GNG12: variants seen among roughly 807,000 people sequenced by gnomAD.
GNG12 encodes the protein guanine nucleotide-binding protein G(I)/G(S)/G(O) subunit gamma-12.
For synonymous variants in GNG12, 28 were observed against 29.7 expected, an observed-to-expected ratio of 0.94 and a Z score of 0.19; for missense variants, 69 against 83.8, an observed-to-expected ratio of 0.82 and a Z score of 0.69.
intron 2 of GNG12, among the ~76,000 whole-genome samples, chr1:67,732,967 G>A (rs1646429400): frequency 6.6e-6 from 1 of 152,214 alleles, no homozygotes; most frequent in African/African-American, 2.4e-5. Context: ...GAACCTTGGA[G>A]GATCTGAGCA....
At chr1:67,761,779 G>A (rs1406988956) in intron 2 of GNG12, among the ~76,000 whole-genome samples, 1 of 151,868 alleles carries the variant, frequency 6.6e-6, no homozygotes, top group Non-Finnish European at 1.5e-5. Flanking sequence ...CACACCATCC[G>A]CTTTCTGTCG....
At chr1:67,760,277 C>G (rs1646594518) in intron 2 of GNG12, among the ~76,000 whole-genome samples, 1 of 152,152 alleles carries the variant, frequency 6.6e-6, no homozygotes, top group African/African-American at 2.4e-5. Context: ...TGGGCAACTC[C>G]CTGAGTTTCC....
chr1:67,732,219 G>C (rs770552597), intron 2 of GNG12, among the ~76,000 whole-genome samples: 4 of 152,240 alleles, frequency 2.6e-5, no homozygotes, highest in Non-Finnish European at 5.9e-5. Flanking sequence ...GATGCTATAT[G>C]AAGTGTACGT....
At chr1:67,755,795 T>G (rs1437567234) in intron 2 of GNG12, among the ~76,000 whole-genome samples, 5 of 152,128 alleles carry the variant, frequency 3.3e-5, no homozygotes, top group Admixed American at 1.3e-4. Context: ...CTTAGGACTT[T>G]TATAATGTCC....
chr1:67,829,491 A>G (rs1391980158), intron 1 of GNG12, among the ~76,000 whole-genome samples: 1 of 152,218 alleles, frequency 6.6e-6, no homozygotes, highest in Non-Finnish European at 1.5e-5. Context: ...AATTTTGTAT[A>G]GCTGTTTTCC....
At chr1:67,794,789 G>A (rs1042123736) in intron 1 of GNG12, among the ~76,000 whole-genome samples, 1 of 152,212 alleles carries the variant, frequency 6.6e-6, no homozygotes, top group African/African-American at 2.4e-5. Flanking sequence ...ACTTGCTCCA[G>A]CTATATTTAT....
rs544413193 is a variant in GNG12, at chr1:67,734,417, T to C, written c.-26-26705A>G. On this transcript the variant is annotated intron_variant, in intron 2 of 3. Coordinates refer to ENST00000370982, the MANE Select transcript of GNG12 (RefSeq NM_018841.6). ...ATTTAGAACACTGACTACTTCTGTA[T>C]GTGCACAACGGTGTTCCAGGTCCTT... is the stretch of plus-strand genomic sequence containing the variant. Among the ~76,000 whole-genome samples, 16 of 152,344 alleles carry C rather than the reference T, an allele frequency of 1.1e-4. No individual in the cohort carries two copies. The East Asian group carries it at 3.1e-3, about 29-fold the overall frequency.
intron 1 of GNG12, among the ~76,000 whole-genome samples, chr1:67,814,739 T>C (rs1570570706): frequency 1.3e-5 from 2 of 152,208 alleles, no homozygotes; most frequent in African/African-American, 4.8e-5. Context: ...TTAAAGCTAT[T>C]AGAAAATTAA....
chr1:67,758,856 G>T (rs1646585338), intron 2 of GNG12, among the ~76,000 whole-genome samples: 1 of 152,162 alleles, frequency 6.6e-6, no homozygotes, highest in South Asian at 2.1e-4. Flanking sequence ...CATGGAGGTA[G>T]AGACTAGAAT....
In GNG12 at chr1:67,784,415, A is replaced by C. The variant is rs567150217; in HGVS notation, c.-76-6908T>G. On this transcript the variant is annotated intron_variant, in intron 1 of 3. Transcript: ENST00000370982. ...GCACCAGCATGGCACATGTATACAT[A>C]TGTAACTAACCTGCACAATGTGCAC... 4.5e-4 allele frequency among the ~76,000 whole-genome samples: 69 copies of C among 151,988 alleles called. No homozygotes were observed. In the Middle Eastern group the frequency reaches 0.02, roughly 45 times the overall value.
At chr1:67,763,077 C>T (rs140783164) in intron 2 of GNG12, among the ~76,000 whole-genome samples, 59 of 45,482 alleles carry the variant, frequency 1.3e-3, no homozygotes, top group Admixed American at 3.9e-3. Flanking sequence ...ATATTTAACA[C>T]CCTACCCTCC....
chr1:67,712,968 A>T (rs1646304771), intron 2 of GNG12, among the ~76,000 whole-genome samples: 2 of 151,966 alleles, frequency 1.3e-5, no homozygotes, highest in African/African-American at 4.8e-5. Context: ...ACCTCTGGTG[A>T]TCCGCCTGCC....
chr1:67,820,466 A>G (rs1337071058), intron 1 of GNG12, among the ~76,000 whole-genome samples: 1 of 152,082 alleles, frequency 6.6e-6, no homozygotes, highest in East Asian at 1.9e-4. Flanking sequence ...AAAAAATAGC[A>G]AAGAAACATC....
intron 1 of GNG12, 56 bp downstream of exon 1, chr1:67,833,288 C>T (rs895486372): frequency 5.9e-6 from 4 of 682,408 alleles, no homozygotes; most frequent in Non-Finnish European, 7.2e-6. Flanking sequence ...CCCCGCGCCG[C>T]GCCCCGACCC....
chr1:67,725,314 C>T (rs1394778859), intron 2 of GNG12, among the ~76,000 whole-genome samples: 2 of 152,290 alleles, frequency 1.3e-5, no homozygotes, highest in South Asian at 2.1e-4. Context: ...TCACCTTCTC[C>T]CATAACACGC....
chr1:67,750,228 G>T (rs1340730516), intron 2 of GNG12, among the ~76,000 whole-genome samples: 2 of 152,226 alleles, frequency 1.3e-5, no homozygotes, highest in Non-Finnish European at 2.9e-5. Context: ...TCATGCTTGT[G>T]TGAGGCTCTC....
At chr1:67,708,976 CGTG>C (rs1363440543) in intron 2 of GNG12, among the ~76,000 whole-genome samples, 4 of 152,182 alleles carry the variant, frequency 2.6e-5, no homozygotes, top group Admixed American at 6.5e-5. Context: ...GCATCCATCA[CGTG>C]GGCACCACGG....
chr1:67,730,511 G>A (rs1338402903), intron 2 of GNG12, among the ~76,000 whole-genome samples: 2 of 148,304 alleles, frequency 1.3e-5, no homozygotes, highest in Non-Finnish European at 3.0e-5. Flanking sequence ...CCCCCCAACC[G>A]CCCCCGCACC....
At chr1:67,825,523 TAA>T (rs766295367) in intron 1 of GNG12, among the ~76,000 whole-genome samples, 1 of 152,120 alleles carries the variant, frequency 6.6e-6, no homozygotes, top group Non-Finnish European at 1.5e-5. Flanking sequence ...AGGATCAACT[TAA>T]AAAAGCAAGA....
Sources: allele counts gnomAD v4.1 joint callset (sites outside exome capture counted in the v4.1 genomes callset), GRCh38; gene constraint gnomAD v4.1.1; transcripts MANE v1.5; gene names NCBI Gene and HGNC (gene_info 2026-07-23, HGNC 2026-07-21).